Variants in CFAP251 observed in about 807,000 individuals in gnomAD.
The protein encoded by CFAP251 is cilia- and flagella-associated protein 251.
In CFAP251, 93 loss-of-function variants were observed where a neutral mutation model predicts 126.7. That is an observed-to-expected ratio of 0.73 (90% CI 0.62 to 0.87). The LOEUF is 0.87. CFAP251 is among the 40% of genes least tolerant of loss of function. The probability of loss-of-function intolerance (pLI) is 0.00; values close to 1 mark genes in which losing one functional copy is unlikely to be tolerated. For missense variants in CFAP251, 1,287 were observed against 1,389.2 expected (o/e 0.93, Z 1.17); for synonymous variants, 503 against 506.9 (o/e 0.99, Z 0.10).
intron 19 of CFAP251, among the ~76,000 whole-genome samples, chr12:121,988,745 C>T (rs1275144320): frequency 2.7e-5 from 4 of 146,320 alleles, no homozygotes; most frequent in Admixed American, 6.8e-5. Context: ...TCTTTTTTTT[C>T]TCTTTTTTTT....
chr12:121,976,793 C>T (rs1470426342), intron 19 of CFAP251, among the ~76,000 whole-genome samples: 2 of 151,992 alleles, frequency 1.3e-5, no homozygotes, highest in East Asian at 3.9e-4. Context: ...CTTGTGGTCC[C>T]AGCTGCTCAG....
chr12:121,937,769 A>G (rs1880949498), intron 5 of CFAP251, among the ~76,000 whole-genome samples: 1 of 151,888 alleles, frequency 6.6e-6, no homozygotes, highest in Non-Finnish European at 1.5e-5. Context: ...AGGGGATCTC[A>G]TTACCCAACC....
intron 7 of CFAP251, among the ~76,000 whole-genome samples, chr12:121,943,302 G>T (rs1345244352): frequency 1.3e-5 from 2 of 152,176 alleles, no homozygotes; most frequent in African/African-American, 4.8e-5. Context: ...GACAAAGTGA[G>T]ACTCTGTCTC....
chr12:122,000,254 A>G (rs1883116948), intron 20 of CFAP251, among the ~76,000 whole-genome samples: 1 of 152,202 alleles, frequency 6.6e-6, no homozygotes, highest in Non-Finnish European at 1.5e-5. Context: ...CTGGGCTGTC[A>G]TAAGATTTGG....
At chr12:121,942,453 C>A in intron 5 of CFAP251, 81 bp from the exon 6 acceptor site, 2 of 928,186 alleles carry the variant, frequency 2.2e-6, no homozygotes, top group Non-Finnish European at 1.7e-6. Flanking sequence ...GAGGTTTGGG[C>A]TGAGCTCAGA....
Position 121,942,920 on chromosome 12 carries a change from T to G in CFAP251, c.1136T>G (p.Leu379Trp). 6.2e-7 allele frequency: 1 copy of G among 1,614,208 alleles called. No homozygotes were observed. The highest frequency in any genetic ancestry group is 8.5e-7 in the Non-Finnish European group (1 of 1,180,046). ...AAGGTATGCATCTGGAAGTGGACTT[T>G]GGCAGTGGAAACGCCAGCATGCACT... The part of the protein sequence containing the change: ...VQKVCIWKWT[L>W]AVETPACTLE... The change falls in exon 7 of 22, where the codon TTG (leucine) becomes TGG (tryptophan). Residue 379 changes from leucine (L) to tryptophan (W), a missense_variant. By Grantham distance (61) the Leu-to-Trp change is moderately conservative (BLOSUM62 -2). Coordinates refer to ENST00000288912, the MANE Select transcript of CFAP251 (RefSeq NM_144668.6).
rs830118 is a variant in CFAP251, at chr12:121,974,319, G to A, written c.2772-925G>A. On this transcript the variant is annotated intron_variant, in intron 17 of 21. Transcript: ENST00000288912. This position sits in a 1 kb window ranked among gnomAD's most constrained non-coding sequence, Gnocchi z 4.6. ...TTTCTTTTGTAAATTGCCCAGTCTC[G>A]GGTATGTTTTTATCAGCAGCATGAA... Among the ~76,000 whole-genome samples the A allele has an allele frequency of 0.67, 102,103 of 152,042 alleles. 36,826 individuals are homozygous for A. The highest frequency in any genetic ancestry group is 0.82 in the Non-Finnish European group (55,893 of 67,986).
intron 1 of CFAP251, 117 bp from the exon 2 acceptor site, chr12:121,921,169 A>G (rs1362061088): frequency 1.7e-6 from 2 of 1,165,978 alleles, no homozygotes; most frequent in Non-Finnish European, 2.3e-6. Flanking sequence ...CATTCTTTTT[A>G]TTCCTATGGA....
chr12:121,954,048 A>T (rs1310179588), intron 9 of CFAP251, 72 bp from the exon 10 acceptor site: 4 of 1,304,818 alleles, frequency 3.1e-6, no homozygotes, highest in Non-Finnish European at 3.3e-6. Flanking sequence ...TAGCATTATA[A>T]AATATCGTAT....
intron 5 of CFAP251, among the ~76,000 whole-genome samples, chr12:121,938,386 A>G (rs1263247003): frequency 1.3e-5 from 2 of 151,908 alleles, no homozygotes; most frequent in Non-Finnish European, 2.9e-5. Flanking sequence ...CAGTGGCACA[A>G]TCTCAGCTCA....
intron 3 of CFAP251, among the ~76,000 whole-genome samples, chr12:121,926,625 G>T (rs905127557): frequency 2.0e-4 from 31 of 152,120 alleles, no homozygotes; most frequent in Non-Finnish European, 5.9e-5. Flanking sequence ...ACCGTACCCG[G>T]CCTCAATTTT....
chr12:122,000,134 G>A (rs981784807), intron 20 of CFAP251, among the ~76,000 whole-genome samples, 190 bp downstream of exon 20: 9 of 152,180 alleles, frequency 5.9e-5, no homozygotes, highest in South Asian at 2.1e-4. Flanking sequence ...GGAGGGACCC[G>A]GAGCTAGAAA....
chr12:121,982,046 C>A (rs1322970062), intron 19 of CFAP251, among the ~76,000 whole-genome samples: 1 of 152,144 alleles, frequency 6.6e-6, no homozygotes, highest in African/African-American at 2.4e-5. Flanking sequence ...ATCCGTGATT[C>A]CAGAAGCCCT....
At chr12:121,961,340 C>T (rs1881930772) in intron 14 of CFAP251, among the ~76,000 whole-genome samples, 1 of 144,208 alleles carries the variant, frequency 6.9e-6, no homozygotes, top group African/African-American at 2.6e-5. Flanking sequence ...CTTTCTCTCC[C>T]CTTCCTTCCT....
chr12:121,999,896 A>G lies in CFAP251; in HGVS notation c.3187A>G (p.Lys1063Glu), dbSNP rs1191796934. 1.2e-6 allele frequency: 2 copies of G among 1,613,386 alleles called. No individual in the cohort carries two copies. The highest frequency in any genetic ancestry group is 2.2e-5 in the East Asian group (1 of 44,868). Residue 1063 changes from lysine to glutamate, a missense_variant, in exon 20 of 22, where the codon AAA (lysine) becomes GAA (glutamate). Physicochemically the swap from Lys to Glu is moderately conservative, Grantham distance 56. Coordinates refer to ENST00000288912, the MANE Select transcript of CFAP251 (RefSeq NM_144668.6). ...GCTCGGTTATACCAACTCCAAAGGGAAAAAGGCCATTCGAAGAGAGGACTT... is the reference window on the plus strand; with the variant it reads ...GCTCGGTTATACCAACTCCAAAGGGGAAAAGGCCATTCGAAGAGAGGACTT... ...EVLGYTNSKG[K>E]KAIRREDFLR... is the part of the protein sequence containing the mutation.
At chr12:121,942,475 ACT>A in intron 5 of CFAP251, 57 bp from the exon 6 acceptor site, 2 of 1,246,938 alleles carry the variant, frequency 1.6e-6, no homozygotes, top group South Asian at 2.6e-5. Context: ...CTGCCCTGGG[ACT>A]CTCTGGGAAG....
At chr12:121,985,271 C>T (rs1023727077) in intron 19 of CFAP251, among the ~76,000 whole-genome samples, 3 of 152,076 alleles carry the variant, frequency 2.0e-5, no homozygotes, top group African/African-American at 4.8e-5. Flanking sequence ...CGGAGGCTCA[C>T]GCCTGTAATC....
chr12:122,003,779 T>A lies in CFAP251; in HGVS notation c.*15T>A, dbSNP rs1025110005. On this transcript the variant is annotated 3_prime_UTR_variant, in exon 22 of 22. Coordinates refer to ENST00000288912, the MANE Select transcript of CFAP251 (RefSeq NM_144668.6). Reference sequence around the variant, plus strand: ...ATGGTCAGTGAAGTTACCAGGAATGTTTAAAGCACAAAGGACTTTGGGTGT... The same window carrying A: ...ATGGTCAGTGAAGTTACCAGGAATGATTAAAGCACAAAGGACTTTGGGTGT... 2 of 1,590,826 alleles carry A rather than the reference T, an allele frequency of 1.3e-6. No homozygotes were observed. The highest frequency in any genetic ancestry group is 2.7e-5 in the African/African-American group (2 of 73,328).
At chr12:121,934,119 A>G in intron 4 of CFAP251, 128 bp from the exon 5 acceptor site, 1 of 664,002 alleles carries the variant, frequency 1.5e-6, no homozygotes, top group Non-Finnish European at 2.5e-6. Context: ...CAGCGGGAAC[A>G]GAATTTCCAG....
Sources: allele counts gnomAD v4.1 joint callset (sites outside exome capture counted in the v4.1 genomes callset), GRCh38; gene constraint gnomAD v4.1.1; non-coding constraint Gnocchi (gnomAD v3.1); transcripts MANE v1.5; gene names NCBI Gene and HGNC (gene_info 2026-07-23, HGNC 2026-07-21).